The following SPATA7 variants were observed in gnomAD, a reference collection of about 807,000 sequenced individuals.
The protein encoded by SPATA7 is spermatogenesis-associated protein 7.
SPATA7 carries 43 observed loss-of-function variants against 51.8 expected under a neutral mutation model. The ratio of observed to expected loss-of-function variants is 0.83; its 90% CI spans 0.65 to 1.07. The LOEUF (loss-of-function observed/expected upper bound fraction) is 1.07, where lower values mean the gene tolerates loss of function less well. SPATA7 is among the 50% of genes least tolerant of loss of function. SPATA7 has a pLI of 0.00. For missense variants in SPATA7, 683 were observed against 701.3 expected, an observed-to-expected ratio of 0.97 and a Z score of 0.30; for synonymous variants, 230 against 252.8, an observed-to-expected ratio of 0.91 and a Z score of 0.86.
chr14:88,451,105 ATGCATTT>A (rs1326227961), intron 3 of SPATA7, among the ~76,000 whole-genome samples: 2 of 152,066 alleles, frequency 1.3e-5, no homozygotes, highest in African/African-American at 4.8e-5. Context: ...AGACCTTCCA[ATGCATTT>A]TGCATTTTGC....
At chr14:88,446,093 T>A (rs886220164) in intron 3 of SPATA7, among the ~76,000 whole-genome samples, 60 of 152,224 alleles carry the variant, frequency 3.9e-4, no homozygotes, top group Non-Finnish European at 7.2e-4. Context: ...CTGGTAGAAT[T>A]CGGCTGTGAA....
intron 9 of SPATA7, chr14:88,432,879 G>T (rs533705293): frequency 2.3e-4 from 85 of 373,458 alleles, no homozygotes; most frequent in Non-Finnish European, 3.5e-4. Context: ...AATTCTGCTT[G>T]TTTTTTACTG....
intron 4 of SPATA7, among the ~76,000 whole-genome samples, chr14:88,402,651 A>G (rs1028058163): frequency 6.6e-6 from 1 of 152,310 alleles, no homozygotes; most frequent in South Asian, 2.1e-4. Flanking sequence ...TACAAAAATC[A>G]GCTCAAAATG....
chr14:88,416,915 T>C, intron 5 of SPATA7, 71 bp downstream of exon 5: 1 of 1,389,746 alleles, frequency 7.2e-7, no homozygotes. Context: ...AATCTGACTT[T>C]GTTTACTATA....
chr14:88,441,428 T>C (rs577795265), downstream of SPATA7, among the ~76,000 whole-genome samples: 2 of 152,258 alleles, frequency 1.3e-5, no homozygotes, highest in South Asian at 4.1e-4. Context: ...CTCCACACTG[T>C]TTTCCATAGT....
chr14:88,409,464 C>T (rs1052835390), intron 4 of SPATA7, among the ~76,000 whole-genome samples: 2 of 151,794 alleles, frequency 1.3e-5, no homozygotes, highest in African/African-American at 4.8e-5. Flanking sequence ...TTTATTGTGC[C>T]TTTTTGATTC....
At position 88,421,541 on chromosome 14, in the gene SPATA7, C is replaced by T. The variant is rs186626510; in HGVS notation, c.373-4691C>T. On this transcript the variant is annotated intron_variant, in intron 5 of 11. Coordinates refer to ENST00000393545, the MANE Select transcript of SPATA7 (RefSeq NM_018418.5). ...TCATACTGACACTACACAGACTACACTGACAACAGTGGAGGACAGTTACGA... is the reference window on the plus strand; with the variant it reads ...TCATACTGACACTACACAGACTACATTGACAACAGTGGAGGACAGTTACGA... Among the ~76,000 whole-genome samples, 162 of 152,296 alleles carry T rather than the reference C, an allele frequency of 1.1e-3. 2 individuals carry two copies. In the East Asian group the frequency reaches 0.023, roughly 22 times the overall value.
At chr14:88,446,086 G>A (rs1374550999) in intron 3 of SPATA7, among the ~76,000 whole-genome samples, 1 of 152,156 alleles carries the variant, frequency 6.6e-6, no homozygotes, top group Non-Finnish European at 1.5e-5. Context: ...TGTACCTCTG[G>A]TAGAATTCGG....
At chr14:88,391,973 A>C (rs1009791206) in intron 2 of SPATA7, among the ~76,000 whole-genome samples, 13 of 152,316 alleles carry the variant, frequency 8.5e-5, no homozygotes, top group African/African-American at 2.9e-4. Context: ...TATACCTTAG[A>C]AGTATAAGTC....
At chr14:88,395,046 C>T (rs1239164637) in intron 3 of SPATA7, among the ~76,000 whole-genome samples, 2 of 151,878 alleles carry the variant, frequency 1.3e-5, no homozygotes, top group African/African-American at 2.4e-5. Flanking sequence ...ATTTTTTTCC[C>T]AATCTGTAGC....
intron 4 of SPATA7, among the ~76,000 whole-genome samples, chr14:88,463,899 G>A (rs1159922173): frequency 6.6e-6 from 1 of 151,994 alleles, no homozygotes; most frequent in East Asian, 1.9e-4. Flanking sequence ...CCAAGCTGGA[G>A]TGCAGAGGCG....
chr14:88,450,597 T>G (rs1284364088), intron 3 of SPATA7, among the ~76,000 whole-genome samples: 1 of 152,210 alleles, frequency 6.6e-6, no homozygotes, highest in African/African-American at 2.4e-5. Flanking sequence ...TGATAATTGC[T>G]TTGTTTAAGG....
In SPATA7 at chr14:88,394,921, G is replaced by A. The variant is rs192022413; in HGVS notation, c.191-1235G>A. Among the ~76,000 whole-genome samples, 375 of 152,112 alleles carry A rather than the reference G, an allele frequency of 2.5e-3. 4 individuals carry two copies. The highest frequency in any genetic ancestry group is 8.7e-3 in the African/African-American group (363 of 41,530). On this transcript the variant is annotated intron_variant, in intron 3 of 11. Coordinates refer to ENST00000393545, the MANE Select transcript of SPATA7 (RefSeq NM_018418.5). ...TTCCCATCTGTATATCTTCTTTGGTGAAATGACTGTTCAAATCTTTTACCC... is the reference window on the plus strand; with the variant it reads ...TTCCCATCTGTATATCTTCTTTGGTAAAATGACTGTTCAAATCTTTTACCC...
At chr14:88,392,162 T>C (rs1435603825) in intron 2 of SPATA7, among the ~76,000 whole-genome samples, 1 of 152,194 alleles carries the variant, frequency 6.6e-6, no homozygotes, top group African/African-American at 2.4e-5. Flanking sequence ...GTAACATATA[T>C]ATGTATGTAA....
intron 1 of SPATA7, 105 bp downstream of exon 1, chr14:88,385,942 C>T (rs1402243433): frequency 6.5e-6 from 10 of 1,539,444 alleles, no homozygotes; most frequent in Non-Finnish European, 7.9e-6. Context: ...CCTTGGGGCG[C>T]TTCCTACCCC....
At chr14:88,427,560 C>A (rs1320472500) in intron 6 of SPATA7, 70 bp from the exon 7 acceptor site, 5 of 990,606 alleles carry the variant, frequency 5.0e-6, no homozygotes, top group Middle Eastern at 3.1e-4. Context: ...TTTTTTCTAG[C>A]CAGTAAACCT....
chr14:88,444,282 CTTTT>C (rs1242901728), intron 3 of SPATA7, among the ~76,000 whole-genome samples: 1 of 152,126 alleles, frequency 6.6e-6, no homozygotes, highest in Non-Finnish European at 1.5e-5. Context: ...TAAATGTCTT[CTTTT>C]GAGAAGTGTC....
rs765236407 is a variant in SPATA7, at chr14:88,416,706, T to C, written c.239-5T>C. On this transcript the variant is annotated splice_polypyrimidine_tract_variant and splice_region_variant and intron_variant, in intron 4 of 11. Transcript: ENST00000393545. ...ATATTTTGAAAGATTTGTTTTCCCTTTTAGATGCAGACCAACAACGAAGAG... is the reference window on the plus strand; with the variant it reads ...ATATTTTGAAAGATTTGTTTTCCCTCTTAGATGCAGACCAACAACGAAGAG... The C allele has an allele frequency of 3.7e-6, 6 of 1,613,012 alleles. No individual in the cohort carries two copies. In the Admixed American group the frequency reaches 8.3e-5, roughly 22 times the overall value.
intron 4 of SPATA7, among the ~76,000 whole-genome samples, chr14:88,406,095 C>A (rs1411962682): frequency 1.3e-5 from 2 of 152,058 alleles, no homozygotes; most frequent in African/African-American, 4.8e-5. Flanking sequence ...GGCTTAGAAA[C>A]AGGCTTTCTA....
Sources: allele counts gnomAD v4.1 joint callset (sites outside exome capture counted in the v4.1 genomes callset), GRCh38; gene constraint gnomAD v4.1.1; transcripts MANE v1.5; gene names NCBI Gene and HGNC (gene_info 2026-07-23, HGNC 2026-07-21).